GRID2: variants seen among roughly 807,000 people sequenced by gnomAD.
The protein encoded by GRID2 is glutamate ionotropic receptor delta type subunit 2, also known as glutamate receptor ionotropic, delta-2.
In GRID2, 33 loss-of-function variants were observed where a neutral mutation model predicts 114.8. The ratio of observed to expected loss-of-function variants is 0.29; its 90% CI spans 0.22 to 0.38. The LOEUF is 0.38. Ranked by LOEUF, GRID2 falls within the 10% of genes least tolerant of loss-of-function variation. The pLI is 1.00. For missense variants in GRID2, 1,184 were observed against 1,257.7 expected (o/e 0.94, Z 0.89); for synonymous variants, 505 against 449.9 (o/e 1.12, Z -1.55).
chr4:93,039,476 T>G (rs1320173139), intron 2 of GRID2, among the ~76,000 whole-genome samples: 1 of 151,938 alleles, frequency 6.6e-6, no homozygotes, highest in East Asian at 1.9e-4. Flanking sequence ...ATTATATATA[T>G]AGTATATATA....
At chr4:92,314,308 A>G in intron 1 of GRID2, among the ~76,000 whole-genome samples, 1 of 152,124 alleles carries the variant, frequency 6.6e-6, no homozygotes, top group East Asian at 1.9e-4. Flanking sequence ...ATATTTAGTC[A>G]TTTGGTAATG....
intron 10 of GRID2, among the ~76,000 whole-genome samples, chr4:93,433,051 C>T (rs766625712): frequency 6.6e-6 from 1 of 152,152 alleles, no homozygotes; most frequent in Non-Finnish European, 1.5e-5. Flanking sequence ...GCCTGGATGA[C>T]AGAGTGAGAT....
At chr4:93,690,276 C>A (rs889102745) in intron 14 of GRID2, among the ~76,000 whole-genome samples, 2 of 151,904 alleles carry the variant, frequency 1.3e-5, no homozygotes, top group African/African-American at 4.8e-5. Context: ...CTATAAAAAA[C>A]GCACAATAAG....
At chr4:93,380,291 G>T (rs1763732482) in intron 8 of GRID2, among the ~76,000 whole-genome samples, 1 of 151,896 alleles carries the variant, frequency 6.6e-6, no homozygotes, top group Non-Finnish European at 1.5e-5. Context: ...GTCAAAGAAT[G>T]CTTGGAACCA....
At chr4:93,777,475 G>A (rs1228467853), downstream of GRID2, among the ~76,000 whole-genome samples, 1 of 152,152 alleles carries the variant, frequency 6.6e-6, no homozygotes, top group East Asian at 1.9e-4. Flanking sequence ...TCTTCAGAAT[G>A]AAGAAGAGAA....
chr4:92,724,195 A>G lies in GRID2; in HGVS notation c.244+133909A>G, dbSNP rs114312425. ...AAAAAGGCGGTACCTTCTGCTGCCA[A>G]CATAAGATAAATTCATGCAGTCATA... On this transcript the variant is annotated intron_variant, in intron 2 of 15. Coordinates refer to ENST00000282020, the MANE Select transcript of GRID2 (RefSeq NM_001510.4). Among the ~76,000 whole-genome samples the G allele has an allele frequency of 1.0e-2, 1,517 of 152,260 alleles. 23 individuals are homozygous for G. The highest frequency in any genetic ancestry group is 0.035 in the African/African-American group (1,455 of 41,558).
chr4:93,329,842 A>T (rs1194399645), intron 8 of GRID2, among the ~76,000 whole-genome samples: 1 of 151,976 alleles, frequency 6.6e-6, no homozygotes, highest in Non-Finnish European at 1.5e-5. Flanking sequence ...CACAGCTGTG[A>T]TAATCTTTAC....
At chr4:93,044,864 TA>T (rs1725980132) in intron 2 of GRID2, among the ~76,000 whole-genome samples, 1 of 152,182 alleles carries the variant, frequency 6.6e-6, no homozygotes, top group Non-Finnish European at 1.5e-5. Flanking sequence ...GTGTATATCC[TA>T]AAGATTCACA....
chr4:93,622,665 A>C (rs987240703), intron 13 of GRID2, among the ~76,000 whole-genome samples: 1 of 152,170 alleles, frequency 6.6e-6, no homozygotes, highest in South Asian at 2.1e-4. Flanking sequence ...GTCTGTTTCA[A>C]TACCTCATGG....
At chr4:93,064,249 C>G (rs1728066702) in intron 2 of GRID2, among the ~76,000 whole-genome samples, 1 of 151,366 alleles carries the variant, frequency 6.6e-6, no homozygotes, top group Non-Finnish European at 1.5e-5. Context: ...TCCATCACTA[C>G]TTACAGATAA....
intron 12 of GRID2, among the ~76,000 whole-genome samples, chr4:93,495,252 A>C (rs1021498357): frequency 1.3e-5 from 2 of 151,856 alleles, no homozygotes; most frequent in African/African-American, 4.8e-5. Flanking sequence ...AAACTGATAC[A>C]GAAAGAGATC....
intron 4 of GRID2, among the ~76,000 whole-genome samples, chr4:93,161,783 GCA>G (rs1232249193): frequency 1.3e-5 from 2 of 151,414 alleles, no homozygotes; most frequent in Admixed American, 6.6e-5. Context: ...CCCCCTTCCT[GCA>G]ATTTTTGCAG....
chr4:93,028,309 A>T (rs1724068072), intron 2 of GRID2, among the ~76,000 whole-genome samples: 1 of 152,038 alleles, frequency 6.6e-6, no homozygotes, highest in Non-Finnish European at 1.5e-5. Context: ...ACTTGAATGA[A>T]TTGATGGTGC....
At chr4:92,907,052 TAAG>T (rs1267845897) in intron 2 of GRID2, among the ~76,000 whole-genome samples, 2 of 152,196 alleles carry the variant, frequency 1.3e-5, no homozygotes, top group Non-Finnish European at 2.9e-5. Context: ...GTTTGCTCCA[TAAG>T]AATACAAAGG....
chr4:92,553,943 C>T (rs1726725796), intron 1 of GRID2, among the ~76,000 whole-genome samples: 1 of 152,166 alleles, frequency 6.6e-6, no homozygotes, highest in East Asian at 1.9e-4. Context: ...AGCCACCGTG[C>T]CCAGCCTATC....
At chr4:93,020,379 C>T (rs1261874384) in intron 2 of GRID2, among the ~76,000 whole-genome samples, 2 of 151,836 alleles carry the variant, frequency 1.3e-5, no homozygotes, top group Non-Finnish European at 2.9e-5. Context: ...TGAAAAAATG[C>T]AAAGAAATCC....
At position 93,238,455 on chromosome 4, in the gene GRID2, A is replaced by G; in HGVS notation, c.1210A>G (p.Asn404Asp). The G allele has an allele frequency of 6.2e-7, 1 of 1,610,302 alleles. No homozygotes were observed. The highest frequency in any genetic ancestry group is 1.1e-5 in the South Asian group (1 of 90,994). Residue 404 changes from asparagine (N) to aspartate (D), a missense_variant, in exon 8 of 16, where the codon AAC becomes GAC. Asn to Asp is a conservative substitution (Grantham distance 23, BLOSUM62 1). Coordinates refer to ENST00000282020, the MANE Select transcript of GRID2 (RefSeq NM_001510.4). ...TGTCCACTTTGAAATCCTTGGAACC[A>G]ACTATGGAGAAGAGCTTGGCAGAGG... ...PNVHFEILGT[N>D]YGEELGRGVR...
chr4:92,740,698 A>AGATAGAT (rs1553922577), intron 2 of GRID2, among the ~76,000 whole-genome samples: 8 of 29,924 alleles, frequency 2.7e-4, no homozygotes, highest in Middle Eastern at 0.019. Flanking sequence ...GATGATAGAT[A>AGATAGAT]GATAGATAGA....
intron 2 of GRID2, among the ~76,000 whole-genome samples, chr4:92,923,206 T>C (rs1249947974): frequency 1.3e-5 from 2 of 152,204 alleles, no homozygotes; most frequent in Non-Finnish European, 2.9e-5. Flanking sequence ...TTTGAAAGGA[T>C]AACTGTCAGG....
Sources: gnomAD v4.1 joint callset for allele counts (sites outside exome capture counted in the v4.1 genomes callset) on GRCh38, gnomAD v4.1.1 for gene constraint, MANE v1.5 for transcripts, NCBI Gene and HGNC (gene_info 2026-07-23, HGNC 2026-07-21) for gene names.